The following EIF2AK4 variants were observed in gnomAD, a reference collection of about 807,000 sequenced individuals.
EIF2AK4 encodes eukaryotic translation initiation factor 2 alpha kinase 4, also known as eIF-2-alpha kinase GCN2.
In EIF2AK4, 139 loss-of-function variants were observed where a neutral mutation model predicts 211.1. The observed-to-expected ratio is 0.66, with a 90% CI of 0.57 to 0.76. The LOEUF is 0.76. Ranked by LOEUF, EIF2AK4 falls within the 30% of genes least tolerant of loss-of-function variation. The probability of loss-of-function intolerance (pLI) is 0.00; values close to 1 mark genes in which losing one functional copy is unlikely to be tolerated. For synonymous variants in EIF2AK4, 710 were observed against 751.3 expected, an observed-to-expected ratio of 0.94 and a Z score of 0.90; for missense variants, 1,664 against 2,043.8, an observed-to-expected ratio of 0.81 and a Z score of 3.58.
intron 8 of EIF2AK4, 111 bp from the exon 9 acceptor site, chr15:39,967,233 T>G: frequency 7.7e-7 from 1 of 1,300,606 alleles, no homozygotes; most frequent in Non-Finnish European, 1.0e-6. Context: ...TGGTTTTGGT[T>G]TTGTTTTTTT....
At chr15:40,034,867 C>G (rs146381150) in intron 38 of EIF2AK4, among the ~76,000 whole-genome samples, 160 bp from the exon 39 acceptor site, 4 of 152,358 alleles carry the variant, frequency 2.6e-5, no homozygotes, top group Non-Finnish European at 4.4e-5. Flanking sequence ...AGACCCCTGT[C>G]AGTCACACCT....
At chr15:39,955,812 A>G in intron 6 of EIF2AK4, 44 bp downstream of exon 6, 1 of 1,549,008 alleles carries the variant, frequency 6.5e-7, no homozygotes, top group East Asian at 2.3e-5. Flanking sequence ...ACAGATGTAG[A>G]AGGATTTTAC....
chr15:39,975,478 A>T (rs549006474), intron 11 of EIF2AK4: 1 of 152,316 alleles, frequency 6.6e-6, no homozygotes, highest in South Asian at 2.1e-4. Flanking sequence ...CCTGCCACCC[A>T]TGGCCACATG....
chr15:39,949,182 A>G lies in EIF2AK4; in HGVS notation c.427A>G (p.Lys143Glu). 2 of 1,614,000 alleles carry G rather than the reference A, an allele frequency of 1.2e-6. No individual in the cohort carries two copies. Among genetic ancestry groups the G allele is most frequent in the Non-Finnish European group, 1.7e-6 (2 of 1,180,010 alleles). Reference sequence around the variant, plus strand: ...CAGCGAGCATAACAAGCCCCCTCCCAAGTCTTTTCATGAAGAAATGCTGGA... The same window carrying G: ...CAGCGAGCATAACAAGCCCCCTCCCGAGTCTTTTCATGAAGAAATGCTGGA... Reference protein sequence around the residue: ...FLSEHNKPPPKSFHEEMLERR... With the variant: ...FLSEHNKPPPESFHEEMLERR... The change falls in exon 4 of 39, where the codon AAG becomes GAG. Residue 143 changes from lysine to glutamate, a missense_variant. Lys to Glu is a moderately conservative substitution (Grantham distance 56). This residue lies in a region of EIF2AK4 where 641 missense variants were observed against 729.6 expected (regional missense o/e 0.88). Transcript: ENST00000263791.
intron 2 of EIF2AK4, among the ~76,000 whole-genome samples, chr15:39,941,373 G>C (rs998256939): frequency 1.3e-5 from 2 of 152,128 alleles, no homozygotes; most frequent in Non-Finnish European, 2.9e-5. Flanking sequence ...CTCCGGTATG[G>C]TTGGAAGGGG....
intron 32 of EIF2AK4, among the ~76,000 whole-genome samples, chr15:40,022,846 G>A (rs1429287555): frequency 6.6e-6 from 1 of 151,942 alleles, no homozygotes; most frequent in Non-Finnish European, 1.5e-5. Context: ...CCATTTTCCT[G>A]CCTCAGCCTC....
chr15:39,942,614 G>C (rs920142), intron 2 of EIF2AK4, among the ~76,000 whole-genome samples: 9,643 of 152,264 alleles, frequency 0.063, 521 homozygotes, highest in East Asian at 0.31. Flanking sequence ...TGAGAGAGTT[G>C]TTATTGGATA....
At position 39,967,663 on chromosome 15, in the gene EIF2AK4, T is replaced by C. The variant is rs1566988879; in HGVS notation, c.1337T>C (p.Ile446Thr). Residue 446 changes from isoleucine to threonine, a missense_variant, in exon 9 of 39, where the codon ATT becomes ACT. Physicochemically the swap from Ile to Thr is moderately conservative, Grantham distance 89. Transcript: ENST00000263791. ...EGTVKITDYS[I>T]SKRLADICKE... is the part of the protein sequence containing the mutation. ...ACCGTCAAGATTACGGACTATAGCA[T>C]TTCTAAGCGCCTCGCAGACATTTGC... 2 of 1,614,198 alleles carry C rather than the reference T, an allele frequency of 1.2e-6. No homozygotes were observed. The highest frequency in any genetic ancestry group is 4.5e-5 in the East Asian group (2 of 44,886).
intron 32 of EIF2AK4, among the ~76,000 whole-genome samples, chr15:40,023,267 A>C (rs559349763): frequency 2.6e-5 from 4 of 152,356 alleles, no homozygotes; most frequent in South Asian, 4.1e-4. Context: ...AAAAGTGTTC[A>C]TAAATATACC....
chr15:40,022,833 T>G (rs2035411470), intron 32 of EIF2AK4, among the ~76,000 whole-genome samples: 1 of 152,098 alleles, frequency 6.6e-6, no homozygotes, highest in African/African-American at 2.4e-5. Flanking sequence ...TCCCGGGTTC[T>G]CGCCATTTTC....
At chr15:39,976,949 TTTTC>T in intron 12 of EIF2AK4, 105 bp downstream of exon 12, 1 of 1,218,942 alleles carries the variant, frequency 8.2e-7, no homozygotes, top group Non-Finnish European at 1.1e-6. Context: ...TCTTTCCTTC[TTTTC>T]TTTCTTTCCT....
intron 29 of EIF2AK4, among the ~76,000 whole-genome samples, chr15:40,017,640 G>T (rs1186813261): frequency 4.1e-5 from 6 of 148,040 alleles, no homozygotes; most frequent in African/African-American, 1.5e-4. Context: ...GACCTCCCTG[G>T]GCTCAAATGA....
chr15:39,943,482 G>A lies in EIF2AK4; in HGVS notation c.357G>A (p.Gly119=), dbSNP rs201248947. 1.3e-5 allele frequency: 20 copies of A among 1,575,632 alleles called. No individual in the cohort carries two copies. The highest frequency in any genetic ancestry group is 3.9e-5 in the Admixed American group (2 of 50,902). The part of the protein sequence containing the change: ...RLEELAKKHC[G]EVMIFELAYH... ...AAGAACTGGCCAAGAAACACTGTGG[G>A]GAGGTAAGATTTGTTAAACTGGAAT... is the stretch of plus-strand genomic sequence containing the variant. The change falls in exon 3 of 39, where the codon GGG becomes GGA. Residue 119 remains glycine (G), a synonymous_variant. Transcript: ENST00000263791.
At chr15:40,002,863 T>G in intron 22 of EIF2AK4, 75 bp downstream of exon 22, 1 of 1,482,790 alleles carries the variant, frequency 6.7e-7, no homozygotes. Flanking sequence ...CTGTTAGTGT[T>G]CGGGCATATC....
Position 39,938,373 on chromosome 15 carries a change from A to T in EIF2AK4, c.145-1132A>T, listed in dbSNP as rs559144070. Among the ~76,000 whole-genome samples the T allele has an allele frequency of 7.9e-5, 12 of 152,358 alleles. No homozygotes were observed. The South Asian group carries it at 2.1e-3, about 26-fold the overall frequency. On this transcript the variant is annotated intron_variant, in intron 1 of 38. Transcript: ENST00000263791. ...GGAAGGACCCACACATTTATCAAGGATTATTATAAAGCCATATAAGAACTG... is the reference window on the plus strand; with the variant it reads ...GGAAGGACCCACACATTTATCAAGGTTTATTATAAAGCCATATAAGAACTG...
intron 28 of EIF2AK4, among the ~76,000 whole-genome samples, chr15:40,016,878 C>T (rs889493463): frequency 3.9e-5 from 6 of 152,186 alleles, no homozygotes; most frequent in Admixed American, 1.3e-4. Flanking sequence ...TATCATGAAG[C>T]AGTTCTTACT....
chr15:39,950,371 T>A (rs1488299824), intron 4 of EIF2AK4, among the ~76,000 whole-genome samples: 2 of 152,012 alleles, frequency 1.3e-5, no homozygotes, highest in African/African-American at 4.8e-5. Flanking sequence ...GGCAGGTGGA[T>A]CACTTGAGGC....
intron 15 of EIF2AK4, among the ~76,000 whole-genome samples, chr15:39,988,529 G>A (rs1223863427): frequency 6.6e-6 from 1 of 152,184 alleles, no homozygotes; most frequent in African/African-American, 2.4e-5. Flanking sequence ...TATGCTCATT[G>A]GTTTACATAT....
In EIF2AK4 at chr15:39,943,436, A is replaced by G. The variant is rs775029500; in HGVS notation, c.311A>G (p.Asn104Ser). 52 of 1,584,814 alleles carry G rather than the reference A, an allele frequency of 3.3e-5. No homozygotes were observed. The highest frequency in any genetic ancestry group is 4.2e-5 in the Non-Finnish European group (49 of 1,170,374). ...AAAGGTCTATCAAATGAAAGTGTCA[A>G]TTTGTTAAAATCTCGCCTAGAAGAA... ...NAKGLSNESV[N>S]LLKSRLEELA... The change falls in exon 3 of 39, where the codon AAT becomes AGT. Residue 104 changes from asparagine to serine, a missense_variant. Asn to Ser is a conservative substitution (Grantham distance 46). Transcript: ENST00000263791.
Sources: allele counts gnomAD v4.1 joint callset (sites outside exome capture counted in the v4.1 genomes callset), GRCh38; gene constraint gnomAD v4.1.1; regional missense constraint gnomAD v4.1.1; transcripts MANE v1.5; gene names NCBI Gene and HGNC (gene_info 2026-07-23, HGNC 2026-07-21).